The following NRG1 variants were observed in gnomAD, a reference collection of about 807,000 sequenced individuals.
NRG1 encodes the protein pro-neuregulin-1, membrane-bound isoform.
NRG1 carries 18 observed loss-of-function variants against 63.8 expected under a neutral mutation model. The observed-to-expected ratio is 0.28, with a 90% confidence interval of 0.19 to 0.42. The LOEUF (loss-of-function observed/expected upper bound fraction) is 0.42, where lower values mean the gene tolerates loss of function less well. Ranked by LOEUF, NRG1 falls within the 10% of genes least tolerant of loss-of-function variation. NRG1 has a pLI of 1.00. For synonymous variants in NRG1, 302 were observed against 301.3 expected, an observed-to-expected ratio of 1.00 and a Z score of -0.02; for missense variants, 762 against 814.7, an observed-to-expected ratio of 0.94 and a Z score of 0.79.
intron 5 of NRG1, among the ~76,000 whole-genome samples, chr8:32,630,094 C>T (rs947673809): frequency 6.6e-6 from 1 of 152,162 alleles, no homozygotes; most frequent in African/African-American, 2.4e-5. Flanking sequence ...ACTCTTCATC[C>T]TGTGTTCTTT....
chr8:31,825,521 C>T (rs1824462807), intron 1 of NRG1, among the ~76,000 whole-genome samples: 1 of 152,092 alleles, frequency 6.6e-6, no homozygotes, highest in African/African-American at 2.4e-5. Flanking sequence ...AGTATTAACA[C>T]AGTTATCCTT....
chr8:32,363,300 T>G (rs1807480152), intron 1 of NRG1, among the ~76,000 whole-genome samples: 1 of 152,220 alleles, frequency 6.6e-6, no homozygotes. Flanking sequence ...CTCCTCACTA[T>G]GTTGCTGTGA....
chr8:32,550,686 G>A (rs1420953728), intron 1 of NRG1, among the ~76,000 whole-genome samples: 1 of 152,188 alleles, frequency 6.6e-6, no homozygotes, highest in East Asian at 1.9e-4. Context: ...CTACTAGGTA[G>A]GCAGCTGTCT....
intron 5 of NRG1, among the ~76,000 whole-genome samples, chr8:32,668,612 C>A (rs1051956038): frequency 6.6e-6 from 1 of 152,094 alleles, no homozygotes; most frequent in Non-Finnish European, 1.5e-5. Flanking sequence ...ATTTCCTGGT[C>A]ATATTTTAGC....
At chr8:32,411,813 T>C (rs910280703) in intron 1 of NRG1, among the ~76,000 whole-genome samples, 15 of 152,206 alleles carry the variant, frequency 9.9e-5, no homozygotes, top group Admixed American at 9.8e-4. Context: ...GCCTGAAACG[T>C]GTACATATTC....
chr8:32,274,580 G>A (rs922479291), intron 1 of NRG1, among the ~76,000 whole-genome samples: 29 of 152,170 alleles, frequency 1.9e-4, no homozygotes, highest in Non-Finnish European at 1.2e-4. Flanking sequence ...GGGAAAGAAA[G>A]TGAAAGATAT....
chr8:32,678,995 TA>T (rs35688578), intron 5 of NRG1, among the ~76,000 whole-genome samples: 178 of 150,380 alleles, frequency 1.2e-3, no homozygotes, highest in African/African-American at 3.5e-3. Context: ...AGAATGGCAT[TA>T]AAAAAAAAGT....
chr8:32,543,699 C>A (rs565401874), upstream of NRG1, among the ~76,000 whole-genome samples: 4 of 152,062 alleles, frequency 2.6e-5, no homozygotes, highest in African/African-American at 9.7e-5. Flanking sequence ...AAAAGTCACA[C>A]AAGCAGAAAA....
chr8:31,900,447 G>T (rs563308507), intron 1 of NRG1, among the ~76,000 whole-genome samples: 1 of 152,150 alleles, frequency 6.6e-6, no homozygotes, highest in African/African-American at 2.4e-5. Flanking sequence ...CCTAGGGAAG[G>T]CTTCAAGGAT....
intron 1 of NRG1, among the ~76,000 whole-genome samples, chr8:31,919,812 C>T (rs1181498046): frequency 6.6e-6 from 1 of 152,048 alleles, no homozygotes; most frequent in Non-Finnish European, 1.5e-5. Flanking sequence ...TGTGCCCATA[C>T]ATTTATTAAT....
intron 1 of NRG1, among the ~76,000 whole-genome samples, chr8:32,470,276 G>A (rs534814413): frequency 1.3e-5 from 2 of 151,174 alleles, no homozygotes; most frequent in East Asian, 3.9e-4. Context: ...CGCCTCCCGG[G>A]TTCACGCCAT....
Position 31,689,551 on chromosome 8 carries a change from C to T in NRG1, c.37+50120C>T, listed in dbSNP as rs192598853. Among the ~76,000 whole-genome samples the T allele has an allele frequency of 1.7e-3, 259 of 152,180 alleles. 1 individual carries two copies. The highest frequency in any genetic ancestry group is 6.0e-3 in the African/African-American group (248 of 41,528). ...AGACTGCATACTTTTTCTTCTTGCC[C>T]GCTTTTCCCATGCTGGCCTCTGTTG... On this transcript the variant is annotated intron_variant, in intron 1 of 10. Coordinates refer to the NRG1 transcript ENST00000519301.
Position 32,162,619 on chromosome 8 carries a change from A to G in NRG1, c.38-433209A>G, listed in dbSNP as rs567846571. 1.1e-3 allele frequency among the ~76,000 whole-genome samples: 171 copies of G among 152,322 alleles called. 2 individuals are homozygous for G. The highest frequency in any genetic ancestry group is 1.9e-3 in the South Asian group (9 of 4,822). On this transcript the variant is annotated intron_variant, in intron 1 of 10. Coordinates refer to the NRG1 transcript ENST00000519301. The stretch of plus-strand genomic sequence containing the variant: ...AGACCCCTTACCCCCATCCAGGGGA[A>G]ATATTTGCCAGCCACTCCTATCTTC...
At chr8:32,012,579 A>C (rs1814925545) in intron 1 of NRG1, among the ~76,000 whole-genome samples, 1 of 152,132 alleles carries the variant, frequency 6.6e-6, no homozygotes, top group African/African-American at 2.4e-5. Context: ...GATGGAAATA[A>C]GCAAAAGTAG....
intron 1 of NRG1, among the ~76,000 whole-genome samples, chr8:31,752,338 G>T (rs182041924): frequency 6.6e-6 from 1 of 152,150 alleles, no homozygotes; most frequent in African/African-American, 2.4e-5. Context: ...AGATTTAAAG[G>T]TTGATTTTAG....
rs140334645 is a variant in NRG1 at position 31,828,426 on chromosome 8, T to C, written c.37+188995T>C. On this transcript the variant is annotated intron_variant, in intron 1 of 10. Coordinates refer to the NRG1 transcript ENST00000519301. Reference sequence around the variant, plus strand: ...TACATTAAAGGGTCAAAATTATAGCTGCGTGGAGCTAAGGTCATGGCAGAA... The same window carrying C: ...TACATTAAAGGGTCAAAATTATAGCCGCGTGGAGCTAAGGTCATGGCAGAA... 4.7e-4 allele frequency among the ~76,000 whole-genome samples: 71 copies of C among 152,322 alleles called. 2 individuals are homozygous for C. In the East Asian group the frequency reaches 9.1e-3, roughly 19 times the overall value.
intron 1 of NRG1, among the ~76,000 whole-genome samples, chr8:32,294,257 G>C (rs777516164): frequency 4.0e-5 from 6 of 151,888 alleles, no homozygotes; most frequent in African/African-American, 1.4e-4. Flanking sequence ...GGCAGAAAAC[G>C]CATTTTAGTC....
intron 1 of NRG1, among the ~76,000 whole-genome samples, chr8:32,470,002 C>T (rs1280044878): frequency 1.3e-5 from 2 of 150,440 alleles, no homozygotes; most frequent in African/African-American, 2.4e-5. Flanking sequence ...GGATTACAGG[C>T]GCCAGCCACA....
chr8:32,621,257 T>C (rs1313365726), intron 5 of NRG1, among the ~76,000 whole-genome samples: 1 of 152,224 alleles, frequency 6.6e-6, no homozygotes, highest in African/African-American at 2.4e-5. Context: ...TATAATTTTC[T>C]TTATTTTCTT....
Sources: gnomAD v4.1 joint callset for allele counts (sites outside exome capture counted in the v4.1 genomes callset) on GRCh38, gnomAD v4.1.1 for gene constraint, MANE v1.5 for transcripts, NCBI Gene and HGNC (gene_info 2026-07-23, HGNC 2026-07-21) for gene names.